Variants in WDR89 observed in about 807,000 individuals in gnomAD.
WDR89 encodes WD repeat-containing protein 89.
A neutral mutation model predicts 29.1 loss-of-function variants in WDR89; 17 were observed. The observed-to-expected ratio is 0.58, with a 90% CI of 0.40 to 0.88. The LOEUF (loss-of-function observed/expected upper bound fraction) is 0.88, where lower values mean the gene tolerates loss of function less well. WDR89 is among the 40% of genes least tolerant of loss of function. The probability of loss-of-function intolerance (pLI) is 0.00; values close to 1 mark genes in which losing one functional copy is unlikely to be tolerated. For missense variants in WDR89, 396 were observed against 456.3 expected, an observed-to-expected ratio of 0.87 and a Z score of 1.20; for synonymous variants, 138 against 157.8, an observed-to-expected ratio of 0.87 and a Z score of 0.94.
chr14:63,621,018 G>A (rs1004007992), intron 2 of WDR89, among the ~76,000 whole-genome samples: 4 of 151,624 alleles, frequency 2.6e-5, no homozygotes, highest in Non-Finnish European at 4.4e-5. Context: ...TAGTCATTCC[G>A]CAATGTATAC....
chr14:63,623,612 G>T (rs1289655494), intron 2 of WDR89, among the ~76,000 whole-genome samples: 3 of 146,666 alleles, frequency 2.0e-5, no homozygotes, highest in African/African-American at 7.6e-5. Context: ...GTTGGGGCAG[G>T]AGAATCTCTT....
intron 2 of WDR89, among the ~76,000 whole-genome samples, chr14:63,610,236 A>AC (rs1881874040): frequency 6.6e-6 from 1 of 151,182 alleles, no homozygotes; most frequent in Admixed American, 6.6e-5. Context: ...AAAAAAAAAA[A>AC]AAAAAAAACT....
intron 1 of WDR89, 48 bp downstream of exon 1, chr14:63,641,756 G>C (rs1175681984): frequency 1.3e-5 from 2 of 152,552 alleles, no homozygotes; most frequent in Non-Finnish European, 2.9e-5. Context: ...CTCGTCGAGA[G>C]GGCTGCCCAT....
intron 2 of WDR89, among the ~76,000 whole-genome samples, chr14:63,608,105 C>T (rs906843264): frequency 5.3e-5 from 8 of 152,098 alleles, no homozygotes; most frequent in African/African-American, 1.9e-4. Context: ...ACTCGGGAGG[C>T]TGAGGCAGAA....
intron 2 of WDR89, among the ~76,000 whole-genome samples, chr14:63,604,635 T>C (rs1895224288): frequency 6.6e-6 from 1 of 152,226 alleles, no homozygotes; most frequent in Admixed American, 6.5e-5. Context: ...ACCATATTTA[T>C]ATGTATCTTT....
At chr14:63,611,052 G>A (rs1881952631) in intron 2 of WDR89, among the ~76,000 whole-genome samples, 1 of 151,744 alleles carries the variant, frequency 6.6e-6, no homozygotes. Context: ...AAAGTTTCAA[G>A]ATCATACCAG....
chr14:63,609,747 G>A (rs1041793179), intron 2 of WDR89, among the ~76,000 whole-genome samples: 4 of 151,390 alleles, frequency 2.6e-5, no homozygotes, highest in South Asian at 2.1e-4. Flanking sequence ...CCAAGATCGC[G>A]CCACTGCACT....
intron 2 of WDR89, among the ~76,000 whole-genome samples, chr14:63,613,293 C>T (rs983967666): frequency 7.2e-5 from 11 of 151,952 alleles, no homozygotes; most frequent in African/African-American, 2.2e-4. Flanking sequence ...GCAGAGGTGG[C>T]ATCCTGTAAC....
chr14:63,609,687 G>A (rs1490256980), intron 2 of WDR89, among the ~76,000 whole-genome samples: 4 of 152,104 alleles, frequency 2.6e-5, no homozygotes, highest in African/African-American at 9.7e-5. Context: ...CTACATGGGA[G>A]GCTGAGGCAG....
chr14:63,598,663 CTG>C lies in WDR89; in HGVS notation c.*114_*115del, dbSNP rs1894896663. On this transcript the variant is annotated 3_prime_UTR_variant, in exon 3 of 3. Coordinates refer to ENST00000620954, the MANE Select transcript of WDR89 (RefSeq NM_080666.4). ...CCATTCTCACCATATTTTTCCAGGA[CTG>C]TTTGCTAACTGGCTTGTTTTTACAT... 2 of 925,062 alleles carry C rather than the reference CTG, an allele frequency of 2.2e-6. No homozygotes were observed. The highest frequency in any genetic ancestry group is 3.0e-6 in the Non-Finnish European group (2 of 665,848). 57.3% of individuals were successfully genotyped at this position (925,062 alleles called of 1,614,324 possible).
At chr14:63,601,368 T>C in intron 2 of WDR89, 1 of 589,136 alleles carries the variant, frequency 1.7e-6, no homozygotes, top group East Asian at 2.8e-5. Context: ...CGGACTGTGC[T>C]CTAAACCACC....
chr14:63,627,454 C>T (rs1595035205), intron 1 of WDR89, among the ~76,000 whole-genome samples: 1 of 152,210 alleles, frequency 6.6e-6, no homozygotes, highest in African/African-American at 2.4e-5. Context: ...CATAGTTTAC[C>T]TTAGGGTTCA....
intron 2 of WDR89, among the ~76,000 whole-genome samples, chr14:63,619,491 C>A (rs1459114758): frequency 1.3e-5 from 2 of 151,936 alleles, no homozygotes; most frequent in Admixed American, 6.6e-5. Flanking sequence ...CAGAAAAAAA[C>A]CCAGAGAACA....
At chr14:63,627,642 T>G (rs1257382846) in intron 1 of WDR89, among the ~76,000 whole-genome samples, 1 of 152,180 alleles carries the variant, frequency 6.6e-6, no homozygotes, top group Non-Finnish European at 1.5e-5. Flanking sequence ...TTTTCCAGAA[T>G]GTCAAATGGT....
chr14:63,602,462 CAAAAAAAAAAAAAAA>C (rs58161137), intron 2 of WDR89, among the ~76,000 whole-genome samples: 2 of 35,642 alleles, frequency 5.6e-5, no homozygotes, highest in Admixed American at 3.3e-4. Flanking sequence ...GATTCCTACT[CAAAAAAAAAAAAAAA>C]AAAAAAAAAA....
At chr14:63,627,420 A>G (rs1247431173) in intron 1 of WDR89, among the ~76,000 whole-genome samples, 5 of 152,202 alleles carry the variant, frequency 3.3e-5, no homozygotes, top group African/African-American at 1.2e-4. Flanking sequence ...AACATTAAGT[A>G]GCTTTTATAA....
At chr14:63,606,846 T>C (rs943039101) in intron 2 of WDR89, among the ~76,000 whole-genome samples, 32 of 152,222 alleles carry the variant, frequency 2.1e-4, no homozygotes, top group Non-Finnish European at 4.6e-4. Flanking sequence ...AGAGACTAAT[T>C]TGCCCTTGCT....
chr14:63,609,752 T>C (rs1270671979), intron 2 of WDR89, among the ~76,000 whole-genome samples: 3 of 151,638 alleles, frequency 2.0e-5, no homozygotes, highest in Non-Finnish European at 4.4e-5. Flanking sequence ...ATCGCGCCAC[T>C]GCACTCCAGG....
Position 63,605,124 on chromosome 14 carries a change from C to T in WDR89, c.-31-5151G>A, listed in dbSNP as rs762358986. Among the ~76,000 whole-genome samples the T allele has an allele frequency of 2.6e-5, 4 of 151,660 alleles. No individual in the cohort carries two copies. In the East Asian group the frequency reaches 7.8e-4, roughly 29 times the overall value. On this transcript the variant is annotated intron_variant, in intron 2 of 2. Coordinates refer to ENST00000620954, the MANE Select transcript of WDR89 (RefSeq NM_080666.4). ...TGATTGCACCACTGCACTTCAGCCT[C>T]GGCGACAGAGCAAGACACGTGCTGT...
Sources: allele counts gnomAD v4.1 joint callset (sites outside exome capture counted in the v4.1 genomes callset), GRCh38; gene constraint gnomAD v4.1.1; transcripts MANE v1.5; gene names NCBI Gene and HGNC (gene_info 2026-07-23, HGNC 2026-07-21).